Variants in ACTR3 observed in about 807,000 individuals in gnomAD.
ACTR3 encodes the protein actin related protein 3, also known as actin-related protein 3.
Under a neutral mutation model 56.8 loss-of-function variants are expected in ACTR3, and 12 were observed. The ratio of observed to expected loss-of-function variants is 0.21; its 90% confidence interval spans 0.14 to 0.34. ACTR3 has a LOEUF of 0.34. Among genes scored for constraint, ACTR3 ranks in the 10% least tolerant of loss-of-function variants. The pLI, the probability that ACTR3 is intolerant of heterozygous loss-of-function variation, is 1.00. For synonymous variants in ACTR3, 162 were observed against 167.4 expected, an observed-to-expected ratio of 0.97 and a Z score of 0.25; for missense variants, 282 against 512.5, an observed-to-expected ratio of 0.55 and a Z score of 4.34.
intron 7 of ACTR3, 83 bp downstream of exon 7, chr2:113,940,185 A>G: frequency 8.3e-7 from 1 of 1,202,536 alleles, no homozygotes; most frequent in Non-Finnish European, 1.2e-6. Context: ...TTAATAGAAG[A>G]AGAGTACTTG....
chr2:113,957,284 C>T, intron 11 of ACTR3, 76 bp from the exon 12 acceptor site: 1 of 1,070,774 alleles, frequency 9.3e-7, no homozygotes, highest in Non-Finnish European at 1.4e-6. Flanking sequence ...AAGCATCACT[C>T]TTAAAGTTTA....
intron 8 of ACTR3, among the ~76,000 whole-genome samples, chr2:113,943,519 G>A (rs1679962098): frequency 6.6e-6 from 1 of 152,118 alleles, no homozygotes; most frequent in African/African-American, 2.4e-5. Context: ...TGGTTTGGAC[G>A]GGTTGGAACA....
intron 2 of ACTR3, among the ~76,000 whole-genome samples, chr2:113,914,614 C>CAAAA (rs55784117): frequency 1.3e-4 from 9 of 68,934 alleles, no homozygotes; most frequent in Non-Finnish European, 1.8e-4. Context: ...GACTCAGTCT[C>CAAAA]AAAAAAAAAA....
At chr2:113,907,221 A>C (rs1679211522) in intron 1 of ACTR3, among the ~76,000 whole-genome samples, 1 of 152,212 alleles carries the variant, frequency 6.6e-6, no homozygotes, top group African/African-American at 2.4e-5. Context: ...AACTTAGAGC[A>C]GGGGAGAAGG....
At chr2:113,936,507 C>A (rs1460608267) in intron 6 of ACTR3, among the ~76,000 whole-genome samples, 1 of 152,038 alleles carries the variant, frequency 6.6e-6, no homozygotes, top group South Asian at 2.1e-4. Flanking sequence ...CTTTAACTTA[C>A]CACTGTCTAA....
At chr2:113,941,948 G>T (rs1679931683) in intron 7 of ACTR3, among the ~76,000 whole-genome samples, 1 of 152,114 alleles carries the variant, frequency 6.6e-6, no homozygotes, top group Admixed American at 6.5e-5. Flanking sequence ...CAGCTCTCCA[G>T]TCTCTCAAAT....
intron 3 of ACTR3, among the ~76,000 whole-genome samples, chr2:113,921,264 G>A (rs1679502145): frequency 6.7e-6 from 1 of 149,284 alleles, no homozygotes; most frequent in Admixed American, 6.7e-5. Context: ...CCGTTGATGT[G>A]ACTTCTTTTG....
intron 10 of ACTR3, 48 bp from the exon 11 acceptor site, chr2:113,955,575 T>G: frequency 7.5e-7 from 1 of 1,342,204 alleles, no homozygotes; most frequent in Middle Eastern, 1.8e-4. Flanking sequence ...ACACAGAAGT[T>G]GTTATTTGAA....
At position 113,960,532 on chromosome 2, in the gene ACTR3, A is replaced by G. The variant is rs1048577659; in HGVS notation, c.*3077A>G. On this transcript the variant is annotated 3_prime_UTR_variant, in exon 12 of 12. Coordinates refer to ENST00000263238, the MANE Select transcript of ACTR3 (RefSeq NM_005721.5). ...AGAAACTTCTTTCAGATAACCCTAA[A>G]GATGATACTAGAATGTTTATAAAAT... 1 of 152,024 alleles carries G rather than the reference A, an allele frequency of 6.6e-6. No individual in the cohort carries two copies. Among genetic ancestry groups the G allele is most frequent in the African/African-American group, 2.4e-5 (1 of 41,420 alleles). 9.4% of individuals were successfully genotyped at this position (152,024 alleles called of 1,614,324 possible). A position where few individuals can be genotyped will look rare whatever the true frequency, so the allele number is the denominator to read the frequency against.
chr2:113,928,634 T>C (rs1255003584), intron 4 of ACTR3, among the ~76,000 whole-genome samples: 1 of 152,214 alleles, frequency 6.6e-6, no homozygotes, highest in Non-Finnish European at 1.5e-5. Context: ...GCTACTCAGC[T>C]GTGCTGTTGT....
chr2:113,921,981 A>G (rs547903746), intron 3 of ACTR3, among the ~76,000 whole-genome samples: 1 of 152,208 alleles, frequency 6.6e-6, no homozygotes, highest in Non-Finnish European at 1.5e-5. Context: ...ATGGGTAGAT[A>G]TGTAGAGGTA....
At chr2:113,922,464 G>A (rs1025190994) in intron 3 of ACTR3, among the ~76,000 whole-genome samples, 17 of 152,164 alleles carry the variant, frequency 1.1e-4, no homozygotes, top group East Asian at 5.8e-4. Context: ...CTGCTTCTGC[G>A]AAATATGTGG....
At chr2:113,909,731 A>G (rs1679268106) in intron 1 of ACTR3, among the ~76,000 whole-genome samples, 1 of 151,866 alleles carries the variant, frequency 6.6e-6, no homozygotes, top group Non-Finnish European at 1.5e-5. Flanking sequence ...GTATGCTTAG[A>G]GCTGGGTTTA....
intron 7 of ACTR3, among the ~76,000 whole-genome samples, chr2:113,940,442 CTTTA>C (rs1321989168): frequency 6.6e-6 from 1 of 151,974 alleles, no homozygotes; most frequent in African/African-American, 2.4e-5. Context: ...TCACTGAATT[CTTTA>C]TTTTAATTCT....
At chr2:113,929,968 T>C (rs1679689182) in intron 4 of ACTR3, among the ~76,000 whole-genome samples, 1 of 152,168 alleles carries the variant, frequency 6.6e-6, no homozygotes, top group Admixed American at 6.5e-5. Context: ...TGTGAGCCAC[T>C]GCGCTGCTAG....
chr2:113,919,451 A>T (rs573225167), intron 3 of ACTR3, among the ~76,000 whole-genome samples: 1 of 152,234 alleles, frequency 6.6e-6, no homozygotes, highest in East Asian at 1.9e-4. Flanking sequence ...TATTCTAGGG[A>T]TTCTGATTAT....
intron 1 of ACTR3, chr2:113,905,196 G>A (rs11684182): frequency 0.46 from 70,087 of 151,952 alleles, 20,105 homozygotes; most frequent in Middle Eastern, 0.66. Flanking sequence ...AACATGTGCG[G>A]TAGGTATCCA....
intron 5 of ACTR3, among the ~76,000 whole-genome samples, chr2:113,932,529 G>A (rs938824542): frequency 2.6e-5 from 4 of 152,068 alleles, no homozygotes; most frequent in African/African-American, 9.7e-5. Flanking sequence ...TTCCTTAGTG[G>A]CCTCTGAGTG....
intron 8 of ACTR3, 84 bp from the exon 9 acceptor site, chr2:113,951,395 G>T: frequency 1.1e-6 from 1 of 911,694 alleles, no homozygotes; most frequent in Non-Finnish European, 1.7e-6. Flanking sequence ...TTTTGTTTTT[G>T]AACTGAAAAC....
Sources: gnomAD v4.1 joint callset for allele counts (sites outside exome capture counted in the v4.1 genomes callset) on GRCh38, gnomAD v4.1.1 for gene constraint, MANE v1.5 for transcripts, NCBI Gene and HGNC (gene_info 2026-07-23, HGNC 2026-07-21) for gene names.